Variants in OR51A7 observed in about 807,000 individuals in gnomAD.
OR51A7 encodes olfactory receptor family 51 subfamily A member 7.
For synonymous variants in OR51A7, 143 were observed against 135.5 expected (o/e 1.05, Z -0.38); for missense variants, 409 against 374.5 (o/e 1.09, Z -0.76).
At position 4,907,545 on chromosome 11, in the gene OR51A7, T is replaced by C. The variant is rs752014815; in HGVS notation, c.176T>C (p.Met59Thr). ...ACAGAGCCCTCGCTTCATGAGCCCA[T>C]GTATTATTTCCTTGCCATGTTGGCT... ...IKTEPSLHEP[M>T]YYFLAMLAVS... The change falls in exon 2 of 2, where the codon ATG becomes ACG. Residue 59 changes from methionine (M) to threonine (T), a missense_variant. Met to Thr is a moderately conservative substitution (Grantham distance 81, BLOSUM62 -1). Transcript: ENST00000641490. 1.9e-6 allele frequency: 3 copies of C among 1,614,076 alleles called. No homozygotes were observed. The highest frequency in any genetic ancestry group is 1.7e-5 in the Admixed American group (1 of 60,012).
chr11:4,904,578 A>G (rs946173124), intron 1 of OR51A7, among the ~76,000 whole-genome samples: 1 of 151,994 alleles, frequency 6.6e-6, no homozygotes, highest in Non-Finnish European at 1.5e-5. Flanking sequence ...GTATGATTTC[A>G]TTTACTCTTT....
At chr11:4,904,041 C>A (rs954333261) in intron 1 of OR51A7, among the ~76,000 whole-genome samples, 197 bp downstream of exon 1, 6 of 151,902 alleles carry the variant, frequency 3.9e-5, no homozygotes, top group African/African-American at 1.2e-4. Flanking sequence ...TAAAAGCAAG[C>A]CTTATTGTCA....
Position 4,907,889 on chromosome 11 carries a change from C to T in OR51A7, c.520C>T (p.Leu174Phe), listed in dbSNP as rs752821821. 1.2e-6 allele frequency: 2 copies of T among 1,613,926 alleles called. No individual in the cohort carries two copies. The highest frequency in any genetic ancestry group is 4.5e-5 in the East Asian group (2 of 44,890). ...RRLKYCQKNL[L>F]SHSYCLHQDT... ...ATTAAAATATTGTCAAAAGAATCTT[C>T]TTTCTCACTCATACTGTCTTCATCA... is the stretch of plus-strand genomic sequence containing the variant. Residue 174 changes from leucine to phenylalanine, a missense_variant, in exon 2 of 2, where the codon CTT becomes TTT. Physicochemically the swap from Leu to Phe is conservative, Grantham distance 22 (BLOSUM62 0). Transcript: ENST00000641490.
At chr11:4,904,757 G>A (rs541769649) in intron 1 of OR51A7, among the ~76,000 whole-genome samples, 1 of 151,526 alleles carries the variant, frequency 6.6e-6, no homozygotes, top group Admixed American at 6.6e-5. Context: ...TGTTGCCAGA[G>A]AAAAAAAGGG....
In OR51A7 at chr11:4,907,875, G is replaced by T. The variant is rs1850925703; in HGVS notation, c.506G>T (p.Cys169Phe). Residue 169 changes from cysteine to phenylalanine, a missense_variant, in exon 2 of 2, where the codon TGT (cysteine) becomes TTT (phenylalanine). Coordinates refer to ENST00000641490, the MANE Select transcript of OR51A7 (RefSeq NM_001004749.2). The part of the protein sequence containing the change: ...FPFTLRRLKY[C>F]QKNLLSHSYC... Reference sequence around the variant, plus strand: ...TTCACCTTAAGGAGATTAAAATATTGTCAAAAGAATCTTCTTTCTCACTCA... The same window carrying T: ...TTCACCTTAAGGAGATTAAAATATTTTCAAAAGAATCTTCTTTCTCACTCA... 1 of 1,613,926 alleles carries T rather than the reference G, an allele frequency of 6.2e-7. No individual in the cohort carries two copies. Among genetic ancestry groups the T allele is most frequent in the Non-Finnish European group, 8.5e-7 (1 of 1,179,982 alleles).
chr11:4,908,475 A>G lies in OR51A7; in HGVS notation c.*167A>G, dbSNP rs1022410520. ...TGAGAATATAACTGAACAGGATAGA[A>G]AAAAAAGTCAAGAGATATATAAGAT... On this transcript the variant is annotated 3_prime_UTR_variant, in exon 2 of 2. Transcript: ENST00000641490. 6.0e-5 allele frequency: 40 copies of G among 662,116 alleles called. No individual in the cohort carries two copies. Among genetic ancestry groups the G allele is most frequent in the African/African-American group, 2.9e-4 (16 of 54,894 alleles). 41.0% of individuals were successfully genotyped at this position (662,116 alleles called of 1,614,324 possible). A position where few individuals can be genotyped will look rare whatever the true frequency, so the allele number is the denominator to read the frequency against.
intron 1 of OR51A7, among the ~76,000 whole-genome samples, chr11:4,904,199 A>T (rs1391218646): frequency 6.6e-6 from 1 of 152,058 alleles, no homozygotes; most frequent in Non-Finnish European, 1.5e-5. Context: ...GCCTAACATA[A>T]CTCTGAGGTA....
Position 4,907,828 on chromosome 11 carries a change from TC to T in OR51A7, c.460del (p.Leu154SerfsTer2). 6.2e-7 allele frequency: 1 copy of T among 1,613,820 alleles called. No individual in the cohort carries two copies. On this transcript the variant is annotated frameshift_variant, in exon 2 of 2. Transcript: ENST00000641490. LOFTEE classifies it low-confidence loss of function (END_TRUNC). ...GACTTATTTTAGCCATTAGGAGCAT[TC>T]TCTTAGTGATTCCATTTCCCTTCAC... ...MGLILAIRSI[L>X]LVIPFPFTLR...
chr11:4,906,306 C>A (rs917590551), intron 1 of OR51A7, among the ~76,000 whole-genome samples: 38 of 152,240 alleles, frequency 2.5e-4, no homozygotes, highest in African/African-American at 8.7e-4. Context: ...GGTTTATGAA[C>A]CTAGATCTCT....
intron 1 of OR51A7, among the ~76,000 whole-genome samples, chr11:4,905,837 G>A (rs1040536907): frequency 9.2e-5 from 14 of 152,048 alleles, no homozygotes; most frequent in Admixed American, 9.2e-4. Context: ...TTTTACTTCT[G>A]AAAGTAAACT....
At position 4,909,083 on chromosome 11, in the gene OR51A7, A is replaced by T. The variant is rs35408660; in HGVS notation, c.*775A>T. On this transcript the variant is annotated 3_prime_UTR_variant, in exon 2 of 2. Transcript: ENST00000641490. ...AACTAAGTGACTAAAAGATAATTTT[A>T]AACCCCCTATGGTTTTGCTGTTTAG... is the stretch of plus-strand genomic sequence containing the variant. 1 of 152,184 alleles carries T rather than the reference A, an allele frequency of 6.6e-6. No homozygotes were observed. Among genetic ancestry groups the T allele is most frequent in the African/African-American group, 2.4e-5 (1 of 41,548 alleles). 9.4% of individuals were successfully genotyped at this position (152,184 alleles called of 1,614,324 possible).
rs765500146 is a variant in OR51A7, at chr11:4,907,950, C to T, written c.581C>T (p.Thr194Ile). Residue 194 changes from threonine (T) to isoleucine (I), a missense_variant, in exon 2 of 2, where the codon ACC becomes ATC. Coordinates refer to ENST00000641490, the MANE Select transcript of OR51A7 (RefSeq NM_001004749.2). ...AAGCTGGCCTGCTCTGACAACAAGA[C>T]CAATGTCATCTATGGCTTCTTCATT... The part of the protein sequence containing the change: ...TMKLACSDNK[T>I]NVIYGFFIAL... The T allele has an allele frequency of 2.5e-6, 4 of 1,613,958 alleles. No homozygotes were observed. The highest frequency in any genetic ancestry group is 3.3e-4 in the Middle Eastern group (2 of 6,084).
chr11:4,908,320 A>G lies in OR51A7; in HGVS notation c.*12A>G, dbSNP rs1004210921. On this transcript the variant is annotated 3_prime_UTR_variant, in exon 2 of 2. Coordinates refer to ENST00000641490, the MANE Select transcript of OR51A7 (RefSeq NM_001004749.2). Reference sequence around the variant, plus strand: ...TATGTGGGAGATAAGAACTTGAACAATTAGGTAATAAATTATCAACCAGTA... The same window carrying G: ...TATGTGGGAGATAAGAACTTGAACAGTTAGGTAATAAATTATCAACCAGTA... 15 of 1,605,076 alleles carry G rather than the reference A, an allele frequency of 9.3e-6. No homozygotes were observed. The highest frequency in any genetic ancestry group is 2.7e-5 in the African/African-American group (2 of 74,720).
At chr11:4,904,177 G>T (rs952794439) in intron 1 of OR51A7, among the ~76,000 whole-genome samples, 2 of 152,058 alleles carry the variant, frequency 1.3e-5, no homozygotes, top group African/African-American at 4.8e-5. Flanking sequence ...TTGTGTTAGA[G>T]ACTATCAGAC....
intron 1 of OR51A7, among the ~76,000 whole-genome samples, chr11:4,906,350 A>G (rs1383117900): frequency 6.6e-6 from 1 of 152,232 alleles, no homozygotes; most frequent in Admixed American, 6.5e-5. Context: ...TAAATATCAA[A>G]ACCTACCAAG....
intron 1 of OR51A7, among the ~76,000 whole-genome samples, chr11:4,904,585 C>G (rs114706336): frequency 6.6e-6 from 1 of 152,018 alleles, no homozygotes; most frequent in Admixed American, 6.6e-5. Context: ...TTCATTTACT[C>G]TTTGGTTTCA....
intron 1 of OR51A7, among the ~76,000 whole-genome samples, chr11:4,906,009 A>G (rs1850881986): frequency 6.6e-6 from 1 of 152,144 alleles, no homozygotes. Flanking sequence ...TTCTCTGACT[A>G]ATTAAATACA....
At chr11:4,906,044 T>A (rs1850883016) in intron 1 of OR51A7, among the ~76,000 whole-genome samples, 1 of 152,164 alleles carries the variant, frequency 6.6e-6, no homozygotes, top group South Asian at 2.1e-4. Context: ...AATAATCCAA[T>A]CAAGATGGAT....
rs369681957 is a variant in OR51A7, at chr11:4,907,774, C to G, written c.405C>G (p.Ile135Met). 1.9e-5 allele frequency: 31 copies of G among 1,613,964 alleles called. No homozygotes were observed. The highest frequency in any genetic ancestry group is 3.4e-6 in the Non-Finnish European group (4 of 1,180,018). ...ACAATCCCTTAAGATACAGTTCTAT[C>G]CTCACTAGCAACAGGGTTGCTAAAA... ...AIHNPLRYSS[I>M]LTSNRVAKMG... Residue 135 changes from isoleucine to methionine, a missense_variant, in exon 2 of 2, where the codon ATC (isoleucine) becomes ATG (methionine). Transcript: ENST00000641490.
Sources: gnomAD v4.1 joint callset for allele counts (sites outside exome capture counted in the v4.1 genomes callset) on GRCh38, gnomAD v4.1.1 for gene constraint, MANE v1.5 for transcripts, NCBI Gene and HGNC (gene_info 2026-07-23, HGNC 2026-07-21) for gene names.